CNTN5: variants seen among roughly 807,000 people sequenced by gnomAD.
CNTN5 encodes the protein contactin-5.
Under a neutral mutation model 129.1 loss-of-function variants are expected in CNTN5, and 77 were observed. That is an observed-to-expected ratio of 0.60 (90% CI 0.50 to 0.72). CNTN5 has a LOEUF of 0.72. CNTN5 is among the 30% of genes least tolerant of loss of function. CNTN5 has a pLI of 0.00. For synonymous variants in CNTN5, 509 were observed against 465.6 expected, an observed-to-expected ratio of 1.09 and a Z score of -1.20; for missense variants, 1,478 against 1,328.8, an observed-to-expected ratio of 1.11 and a Z score of -1.75.
intron 6 of CNTN5, among the ~76,000 whole-genome samples, chr11:99,889,310 GTGT>G (rs1948985918): frequency 2.7e-5 from 3 of 112,368 alleles, no homozygotes; most frequent in African/African-American, 8.3e-5. Context: ...GTGTGTGTGT[GTGT>G]GTGTGTGTGT....
intron 2 of CNTN5, among the ~76,000 whole-genome samples, chr11:99,373,155 G>C (rs536839058): frequency 1.1e-4 from 17 of 152,246 alleles, no homozygotes; most frequent in African/African-American, 3.8e-4. Flanking sequence ...GTTGCAGTGA[G>C]CCGAGATCGC....
chr11:99,074,729 A>G (rs1865489144), intron 1 of CNTN5, among the ~76,000 whole-genome samples: 1 of 152,214 alleles, frequency 6.6e-6, no homozygotes, highest in South Asian at 2.1e-4. Flanking sequence ...ATTTTAGAGT[A>G]ATTTAAAAAG....
chr11:99,210,021 T>C (rs1859685811), intron 1 of CNTN5, among the ~76,000 whole-genome samples: 1 of 152,172 alleles, frequency 6.6e-6, no homozygotes, highest in Non-Finnish European at 1.5e-5. Flanking sequence ...AATAAGCCTA[T>C]AGCTCCATAG....
At chr11:99,856,828 A>G (rs866100296) in intron 6 of CNTN5, among the ~76,000 whole-genome samples, 42 of 151,974 alleles carry the variant, frequency 2.8e-4, no homozygotes, top group African/African-American at 9.2e-4. Flanking sequence ...ATTTTTCCAG[A>G]TTTCTCTATA....
At chr11:99,748,878 T>TA (rs1402926036) in intron 3 of CNTN5, among the ~76,000 whole-genome samples, 1 of 152,218 alleles carries the variant, frequency 6.6e-6, no homozygotes, top group Non-Finnish European at 1.5e-5. Context: ...GAAACTTCCT[T>TA]ACAGACATGC....
intron 2 of CNTN5, among the ~76,000 whole-genome samples, chr11:99,426,212 C>A (rs576451367): frequency 1.3e-5 from 2 of 152,132 alleles, no homozygotes; most frequent in Non-Finnish European, 1.5e-5. Flanking sequence ...TTGATGAAGT[C>A]AAAAAGACTG....
intron 13 of CNTN5, among the ~76,000 whole-genome samples, chr11:100,122,879 T>C (rs1039940481): frequency 1.3e-5 from 2 of 152,004 alleles, no homozygotes; most frequent in Admixed American, 1.3e-4. Flanking sequence ...GTGGGAAGAA[T>C]GGATTCTAGG....
chr11:100,332,145 C>A (rs547855977), intron 21 of CNTN5, among the ~76,000 whole-genome samples: 51 of 151,938 alleles, frequency 3.4e-4, no homozygotes, highest in African/African-American at 1.0e-3. Context: ...AGAAACAAAA[C>A]AGGAGATATT....
At position 99,797,653 on chromosome 11, in the gene CNTN5, A is replaced by T. The variant is rs185349594; in HGVS notation, c.56-21891A>T. Among the ~76,000 whole-genome samples, 10 of 152,062 alleles carry T rather than the reference A, an allele frequency of 6.6e-5. No individual in the cohort carries two copies. In the East Asian group the frequency reaches 1.2e-3, roughly 18 times the overall value. On this transcript the variant is annotated intron_variant, in intron 3 of 24. Coordinates refer to ENST00000524871, the MANE Select transcript of CNTN5 (RefSeq NM_014361.4). ...TGTTTTTTGCTTGTTAATCTGTTTT[A>T]AGTACTTAAAAATTTTAGATATTAG...
chr11:99,848,518 T>C (rs1947774380), intron 6 of CNTN5, among the ~76,000 whole-genome samples: 1 of 152,192 alleles, frequency 6.6e-6, no homozygotes, highest in East Asian at 1.9e-4. Context: ...CCAATTTTGT[T>C]AAACATTTAT....
chr11:99,041,043 TCTC>T (rs1242728673), intron 1 of CNTN5, among the ~76,000 whole-genome samples: 2 of 152,134 alleles, frequency 1.3e-5, no homozygotes, highest in African/African-American at 4.8e-5. Context: ...TTTGAACTAA[TCTC>T]CTCAAACCTT....
chr11:99,997,674 A>G (rs978822401), intron 8 of CNTN5, among the ~76,000 whole-genome samples: 2 of 152,094 alleles, frequency 1.3e-5, no homozygotes, highest in Admixed American at 1.3e-4. Context: ...CATCATCCTG[A>G]GACCAAAGCC....
intron 21 of CNTN5, among the ~76,000 whole-genome samples, chr11:100,313,673 G>A (rs905635042): frequency 2.0e-5 from 3 of 151,948 alleles, no homozygotes; most frequent in African/African-American, 4.8e-5. Flanking sequence ...TGCTACCATA[G>A]GAAAGCATCT....
chr11:99,493,638 T>C (rs1946117846), intron 2 of CNTN5, among the ~76,000 whole-genome samples: 1 of 152,156 alleles, frequency 6.6e-6, no homozygotes, highest in Non-Finnish European at 1.5e-5. Flanking sequence ...ACATATATAA[T>C]ATGATATGAG....
At chr11:100,266,705 T>A (rs543894099) in intron 17 of CNTN5, among the ~76,000 whole-genome samples, 3 of 151,878 alleles carry the variant, frequency 2.0e-5, no homozygotes, top group Non-Finnish European at 4.4e-5. Flanking sequence ...AGGGAGTCTT[T>A]AAAATCTCTA....
chr11:99,857,009 CCTCT>C (rs149386491), intron 6 of CNTN5, among the ~76,000 whole-genome samples: 2,155 of 149,752 alleles, frequency 0.014, 36 homozygotes, highest in African/African-American at 0.051. Flanking sequence ...TCCCTCCTTC[CCTCT>C]CTCTCTATCT....
intron 1 of CNTN5, among the ~76,000 whole-genome samples, chr11:99,035,633 C>G (rs565746371): frequency 0.034 from 5,056 of 150,730 alleles, 281 homozygotes; most frequent in African/African-American, 0.12. Flanking sequence ...GTAGATCTTC[C>G]TCCATCCTTT....
chr11:99,106,666 A>G (rs1267009038), intron 1 of CNTN5, among the ~76,000 whole-genome samples: 2 of 152,058 alleles, frequency 1.3e-5, no homozygotes, highest in African/African-American at 4.8e-5. Context: ...AAACAGTTAG[A>G]TTAAGCCTGT....
At chr11:100,236,123 C>T (rs190167163) in intron 16 of CNTN5, among the ~76,000 whole-genome samples, 1 of 152,284 alleles carries the variant, frequency 6.6e-6, no homozygotes, top group Non-Finnish European at 1.5e-5. Context: ...TTTCCCTGTT[C>T]AGGGAACATC....
Sources: gnomAD v4.1 joint callset for allele counts (sites outside exome capture counted in the v4.1 genomes callset) on GRCh38, gnomAD v4.1.1 for gene constraint, MANE v1.5 for transcripts, NCBI Gene and HGNC (gene_info 2026-07-23, HGNC 2026-07-21) for gene names.